The following PRUNE1 variants were observed in gnomAD, a reference collection of about 807,000 sequenced individuals.
PRUNE1 encodes prune exopolyphosphatase 1.
Under a neutral mutation model 42.5 loss-of-function variants are expected in PRUNE1, and 25 were observed. The observed-to-expected ratio is 0.59, with a 90% CI of 0.43 to 0.82. PRUNE1 has a LOEUF of 0.82. Ranked by LOEUF, PRUNE1 falls within the 40% of genes least tolerant of loss-of-function variation. The pLI is 0.00. For synonymous variants in PRUNE1, 203 were observed against 217.1 expected (o/e 0.93, Z 0.57); for missense variants, 443 against 539.3 (o/e 0.82, Z 1.77).
chr1:151,015,197 C>T lies in PRUNE1; in HGVS notation c.40-2615C>T, dbSNP rs141377058. On this transcript the variant is annotated intron_variant, in intron 1 of 7. Transcript: ENST00000271620. ...TACAAAAATTAGCTGGGTGTGGTGG[C>T]GCACGCCTGTAGTCTACTACAGCTA... Among the ~76,000 whole-genome samples, 442 of 151,142 alleles carry T rather than the reference C, an allele frequency of 2.9e-3. 1 individual carries two copies. The highest frequency in any genetic ancestry group is 0.01 in the African/African-American group (418 of 41,112).
intron 7 of PRUNE1, 112 bp from the exon 8 acceptor site, chr1:151,033,694 C>G: frequency 8.9e-7 from 1 of 1,123,044 alleles, no homozygotes; most frequent in Non-Finnish European, 1.3e-6. Flanking sequence ...CCCGCCCGGC[C>G]GACTTACTTT....
At chr1:151,021,466 T>G (rs587600585) in intron 3 of PRUNE1, among the ~76,000 whole-genome samples, 5 of 151,216 alleles carry the variant, frequency 3.3e-5, no homozygotes, top group Non-Finnish European at 1.5e-5. Flanking sequence ...AAAAAAAAAT[T>G]TTTTTTAATC....
intron 7 of PRUNE1, among the ~76,000 whole-genome samples, chr1:151,029,790 G>A (rs1363521043): frequency 3.3e-5 from 5 of 151,728 alleles, no homozygotes; most frequent in African/African-American, 9.7e-5. Context: ...GAATTATGCT[G>A]TTGCCTTGAA....
chr1:151,012,889 C>A (rs1478199806), intron 1 of PRUNE1, among the ~76,000 whole-genome samples: 1 of 152,050 alleles, frequency 6.6e-6, no homozygotes, highest in Admixed American at 6.6e-5. Context: ...CTCCCTGCCT[C>A]AGCCTCTGGA....
At position 151,008,511 on chromosome 1, in the gene PRUNE1, C is replaced by T; in HGVS notation, c.-122C>T. The T allele has an allele frequency of 7.4e-7, 1 of 1,354,500 alleles. No homozygotes were observed. The highest frequency in any genetic ancestry group is 1.4e-5 in the African/African-American group (1 of 69,848). The allele number at this position is 1,354,500 out of a possible 1,614,324, so 83.9% of individuals were successfully genotyped here. On this transcript the variant is annotated 5_prime_UTR_variant, in exon 1 of 8. Coordinates refer to ENST00000271620, the MANE Select transcript of PRUNE1 (RefSeq NM_021222.3). ...TTCGCCGTGTGGCGGGTTCGAGTCC[C>T]GCCTCCTGACTCTGGCCTCTAGTCC...
Position 151,008,449 on chromosome 1 carries a change from G to A in PRUNE1, c.-184G>A, listed in dbSNP as rs967456764. 3 of 1,059,520 alleles carry A rather than the reference G, an allele frequency of 2.8e-6. No individual in the cohort carries two copies. Among genetic ancestry groups the A allele is most frequent in the Non-Finnish European group, 4.1e-6 (3 of 730,100 alleles). 65.6% of individuals were successfully genotyped at this position (1,059,520 alleles called of 1,614,324 possible). On this transcript the variant is annotated 5_prime_UTR_variant, in exon 1 of 8. Coordinates refer to ENST00000271620, the MANE Select transcript of PRUNE1 (RefSeq NM_021222.3). ...GCGGGGCGACGCCGGACTCCGGAGC[G>A]CCCGCTTACGCAGTTCCTCCCGGGG...
intron 3 of PRUNE1, among the ~76,000 whole-genome samples, chr1:151,019,750 C>T (rs1233589866): frequency 6.6e-6 from 1 of 151,908 alleles, no homozygotes; most frequent in Non-Finnish European, 1.5e-5. Context: ...TATCTTCCTG[C>T]CTCTGCCTCC....
At chr1:151,013,208 G>A (rs1033450365) in intron 1 of PRUNE1, among the ~76,000 whole-genome samples, 1 of 152,168 alleles carries the variant, frequency 6.6e-6, no homozygotes, top group Non-Finnish European at 1.5e-5. Context: ...ATAGTGCAAA[G>A]GGCAGAGCTG....
At chr1:151,020,580 T>C (rs905926984) in intron 3 of PRUNE1, among the ~76,000 whole-genome samples, 1 of 151,980 alleles carries the variant, frequency 6.6e-6, no homozygotes, top group Non-Finnish European at 1.5e-5. Context: ...TTGGGCAAGA[T>C]GGTGAGATCC....
intron 1 of PRUNE1, among the ~76,000 whole-genome samples, chr1:151,013,867 G>A (rs1040097934): frequency 3.3e-5 from 5 of 152,190 alleles, no homozygotes; most frequent in African/African-American, 7.2e-5. Flanking sequence ...GGAATTACAA[G>A]TCAGAGGAGT....
intron 3 of PRUNE1, among the ~76,000 whole-genome samples, chr1:151,019,480 C>T (rs1674289276): frequency 6.8e-6 from 1 of 147,392 alleles, no homozygotes; most frequent in Admixed American, 6.9e-5. Flanking sequence ...CACTTGAGCC[C>T]AGGAGGTCGA....
chr1:151,019,615 A>C (rs1674299694), intron 3 of PRUNE1, among the ~76,000 whole-genome samples: 1 of 151,462 alleles, frequency 6.6e-6, no homozygotes, highest in South Asian at 2.1e-4. Context: ...CCTTTGAAAA[A>C]TGTTTGCAAT....
At chr1:151,019,432 T>C (rs1674287260) in intron 3 of PRUNE1, among the ~76,000 whole-genome samples, 1 of 151,686 alleles carries the variant, frequency 6.6e-6, no homozygotes, top group Admixed American at 6.6e-5. Flanking sequence ...GGTGCATGCC[T>C]ATGGTCCCAG....
Position 151,013,799 on chromosome 1 carries a change from A to G in PRUNE1, c.40-4013A>G, listed in dbSNP as rs587639294. Among the ~76,000 whole-genome samples the G allele has an allele frequency of 5.9e-5, 9 of 152,286 alleles. No individual in the cohort carries two copies. The South Asian group carries it at 1.9e-3, about 32-fold the overall frequency. On this transcript the variant is annotated intron_variant, in intron 1 of 7. Coordinates refer to ENST00000271620, the MANE Select transcript of PRUNE1 (RefSeq NM_021222.3). ...AAGTGCTTTGCTGTCACTTTGGTCC[A>G]CAGCCATTTGGGCAGTTCTTGGTCT...
At chr1:151,018,849 C>A (rs1332399691) in intron 3 of PRUNE1, among the ~76,000 whole-genome samples, 180 bp downstream of exon 3, 2 of 151,814 alleles carry the variant, frequency 1.3e-5, no homozygotes, top group East Asian at 3.9e-4. Context: ...TTGAGACCAG[C>A]CTGGACAACA....
chr1:151,033,326 C>T (rs1047895170), intron 7 of PRUNE1, among the ~76,000 whole-genome samples: 1 of 151,448 alleles, frequency 6.6e-6, no homozygotes, highest in African/African-American at 2.4e-5. Flanking sequence ...CTCAGGTGAT[C>T]GGCCCCCTTT....
At chr1:151,029,419 G>T (rs1379732575) in intron 7 of PRUNE1, among the ~76,000 whole-genome samples, 1 of 145,694 alleles carries the variant, frequency 6.9e-6, no homozygotes, top group East Asian at 2.1e-4. Flanking sequence ...CCAGGCTGGG[G>T]TGCAGTGGCA....
intron 3 of PRUNE1, among the ~76,000 whole-genome samples, chr1:151,023,916 C>T (rs1345922760): frequency 6.6e-6 from 1 of 151,960 alleles, no homozygotes. Flanking sequence ...GGCGCGGTGG[C>T]TCACGCCTGT....
At chr1:151,027,030 C>A (rs139105637) in intron 5 of PRUNE1, among the ~76,000 whole-genome samples, 1,757 of 152,076 alleles carry the variant, frequency 0.012, 24 homozygotes, top group African/African-American at 0.038. Flanking sequence ...AGGTGATCCG[C>A]CCACCTCAGC....
Sources: gnomAD v4.1 joint callset for allele counts (sites outside exome capture counted in the v4.1 genomes callset) on GRCh38, gnomAD v4.1.1 for gene constraint, MANE v1.5 for transcripts, NCBI Gene and HGNC (gene_info 2026-07-23, HGNC 2026-07-21) for gene names.